The following NF1 variants were observed in gnomAD, a reference collection of about 807,000 sequenced individuals.
NF1 encodes the protein neurofibromin.
In NF1, 122 loss-of-function variants were observed where a neutral mutation model predicts 325.7. The observed-to-expected ratio is 0.37, with a 90% CI of 0.32 to 0.44. NF1 has a LOEUF of 0.44. Ranked by LOEUF, NF1 falls within the 20% of genes least tolerant of loss-of-function variation. The pLI is 1.00. For missense variants in NF1, 2,140 were observed against 3,415.4 expected, an observed-to-expected ratio of 0.63 and a Z score of 9.31; for synonymous variants, 1,091 against 1,186.0, an observed-to-expected ratio of 0.92 and a Z score of 1.65.
intron 36 of NF1, among the ~76,000 whole-genome samples, chr17:31,267,397 T>G (rs2067811268): frequency 6.6e-6 from 1 of 152,194 alleles, no homozygotes; most frequent in South Asian, 2.1e-4. Flanking sequence ...TCTTTCATTC[T>G]TTTTTTGGGG....
intron 38 of NF1, among the ~76,000 whole-genome samples, chr17:31,329,459 A>G (rs1308393755): frequency 6.6e-6 from 1 of 152,204 alleles, no homozygotes; most frequent in Non-Finnish European, 1.5e-5. Context: ...TGGTTGTTGC[A>G]TCAATATAGT....
At chr17:31,150,751 G>A (rs1916874295) in intron 1 of NF1, among the ~76,000 whole-genome samples, 1 of 151,984 alleles carries the variant, frequency 6.6e-6, no homozygotes, top group Non-Finnish European at 1.5e-5. Context: ...TGATGCTCCG[G>A]CTGGGCACGG....
At chr17:31,110,450 T>C (rs1913298369) in intron 1 of NF1, among the ~76,000 whole-genome samples, 1 of 152,176 alleles carries the variant, frequency 6.6e-6, no homozygotes, top group Non-Finnish European at 1.5e-5. Context: ...CAATTCCTGA[T>C]TGGACTGAGG....
intron 1 of NF1, 74 bp downstream of exon 1, chr17:31,095,443 G>T: frequency 1.4e-6 from 2 of 1,401,258 alleles, no homozygotes; most frequent in Non-Finnish European, 9.6e-7. Flanking sequence ...GGAGGTAGGA[G>T]CGGCCGCCTC....
intron 1 of NF1, among the ~76,000 whole-genome samples, chr17:31,145,604 A>G (rs1434619142): frequency 6.6e-6 from 1 of 151,860 alleles, no homozygotes; most frequent in Non-Finnish European, 1.5e-5. Context: ...GAACTCCTTA[A>G]TCTTGATTTT....
Position 31,181,440 on chromosome 17 carries a change from A to T in NF1, c.605A>T (p.Lys202Ile). 1 of 1,613,478 alleles carries T rather than the reference A, an allele frequency of 6.2e-7. No individual in the cohort carries two copies. The highest frequency in any genetic ancestry group is 8.5e-7 in the Non-Finnish European group (1 of 1,179,620). ...TTTCCAGAAACAGCATTTAAATTTAAAGCCCTAAAGAAGGTTGCGCAGTTA... is the reference window on the plus strand; with the variant it reads ...TTTCCAGAAACAGCATTTAAATTTATAGCCCTAAAGAAGGTTGCGCAGTTA... ...RLLKETAFKF[K>I]ALKKVAQLAV... Residue 202 changes from lysine to isoleucine, a missense_variant, in exon 6 of 58, where the codon AAA becomes ATA. Physicochemically the swap from Lys to Ile is moderately radical, Grantham distance 102 (BLOSUM62 -3). This residue lies in a region of NF1 where 246 missense variants were observed against 347.8 expected (regional missense o/e 0.71). Coordinates refer to ENST00000358273, the MANE Select transcript of NF1 (RefSeq NM_001042492.3).
At chr17:31,361,317 T>G (rs2070395284) in intron 57 of NF1, 1 of 152,648 alleles carries the variant, frequency 6.6e-6, no homozygotes, top group African/African-American at 2.4e-5. Flanking sequence ...TGAGAAATAC[T>G]AATAGCTAAT....
chr17:31,113,811 A>T (rs1276066932), intron 1 of NF1, among the ~76,000 whole-genome samples: 3 of 152,190 alleles, frequency 2.0e-5, no homozygotes, highest in East Asian at 3.8e-4. Flanking sequence ...CTTTATACAG[A>T]TATTTCATCT....
chr17:31,158,366 C>T (rs1287049285), intron 2 of NF1, among the ~76,000 whole-genome samples: 2 of 152,122 alleles, frequency 1.3e-5, no homozygotes, highest in African/African-American at 4.8e-5. Flanking sequence ...TACGGAAAGA[C>T]ATTTAACATT....
intron 1 of NF1, among the ~76,000 whole-genome samples, chr17:31,134,680 A>G (rs978266084): frequency 6.6e-6 from 1 of 152,228 alleles, no homozygotes; most frequent in Non-Finnish European, 1.5e-5. Context: ...GCTTCCAAGT[A>G]AATTCACTTA....
At chr17:31,369,429 A>G (rs1384118891) in intron 57 of NF1, among the ~76,000 whole-genome samples, 1 of 152,216 alleles carries the variant, frequency 6.6e-6, no homozygotes. Context: ...CAGAATGTCC[A>G]GCTGTTTCTG....
At chr17:31,235,803 G>A (rs2067190697) in intron 28 of NF1, 31 bp downstream of exon 28, 32 of 1,613,866 alleles carry the variant, frequency 2.0e-5, no homozygotes, top group Non-Finnish European at 2.7e-5. Flanking sequence ...GTGTATGTGT[G>A]TGCTGAGGTA....
intron 36 of NF1, among the ~76,000 whole-genome samples, chr17:31,266,353 C>G (rs761469629): frequency 5.3e-5 from 8 of 152,050 alleles, no homozygotes; most frequent in Non-Finnish European, 1.0e-4. Context: ...ATTCAGATAG[C>G]CTTAAGACCA....
chr17:31,323,201 C>T (rs976274842), intron 36 of NF1, among the ~76,000 whole-genome samples: 1 of 151,854 alleles, frequency 6.6e-6, no homozygotes, highest in Admixed American at 6.6e-5. Context: ...AATTCGAGAC[C>T]AGCCTGGGCA....
At chr17:31,106,716 A>G (rs928668279) in intron 1 of NF1, among the ~76,000 whole-genome samples, 2 of 152,198 alleles carry the variant, frequency 1.3e-5, no homozygotes, top group Non-Finnish European at 2.9e-5. Context: ...CCTTGATTTC[A>G]TTATGTATTA....
intron 1 of NF1, among the ~76,000 whole-genome samples, chr17:31,131,608 G>T (rs1026799310): frequency 6.6e-6 from 1 of 152,140 alleles, no homozygotes; most frequent in Admixed American, 6.6e-5. Context: ...CCCTCCCTGT[G>T]GCTTTTCATG....
At chr17:31,208,685 G>C (rs2066667383) in intron 12 of NF1, among the ~76,000 whole-genome samples, 1 of 152,178 alleles carries the variant, frequency 6.6e-6, no homozygotes, top group Non-Finnish European at 1.5e-5. Flanking sequence ...GAGGTCAGGA[G>C]GTCGAGACCA....
chr17:31,351,780 C>T (rs755393487), intron 50 of NF1, among the ~76,000 whole-genome samples: 1 of 152,126 alleles, frequency 6.6e-6, no homozygotes, highest in African/African-American at 2.4e-5. Context: ...GCCTGCAGGC[C>T]GCACGCAGCC....
chr17:31,098,347 T>C (rs2143181350), intron 1 of NF1, among the ~76,000 whole-genome samples: 1 of 152,004 alleles, frequency 6.6e-6, no homozygotes, highest in African/African-American at 2.4e-5. Flanking sequence ...CCATTAAATA[T>C]ATTTAGAAGA....
Sources: allele counts gnomAD v4.1 joint callset (sites outside exome capture counted in the v4.1 genomes callset), GRCh38; gene constraint gnomAD v4.1.1; regional missense constraint gnomAD v4.1.1; transcripts MANE v1.5; gene names NCBI Gene and HGNC (gene_info 2026-07-23, HGNC 2026-07-21).